The following VDAC1 variants were observed in gnomAD, a reference collection of about 807,000 sequenced individuals.
VDAC1 encodes the protein voltage dependent anion channel 1, also known as non-selective voltage-gated ion channel VDAC1.
VDAC1 carries 10 observed loss-of-function variants against 34.7 expected under a neutral mutation model. The observed-to-expected ratio is 0.29, with a 90% CI of 0.18 to 0.49. The LOEUF is 0.49. Ranked by LOEUF, VDAC1 falls within the 20% of genes least tolerant of loss-of-function variation. The probability of loss-of-function intolerance (pLI) is 0.99; values close to 1 mark genes in which losing one functional copy is unlikely to be tolerated. For synonymous variants in VDAC1, 130 were observed against 136.0 expected (o/e 0.96, Z 0.30); for missense variants, 230 against 347.9 (o/e 0.66, Z 2.69).
At chr5:133,992,486 AG>A (rs1393643722) in intron 2 of VDAC1, 131 bp from the exon 3 acceptor site, 1 of 567,308 alleles carries the variant, frequency 1.8e-6, no homozygotes, top group African/African-American at 1.9e-5. Flanking sequence ...GAGGGCACCC[AG>A]TCTCTGCTGC....
chr5:134,112,757 T>C, the VDAC1 span, among the ~76,000 whole-genome samples: 3 of 152,216 alleles, frequency 2.0e-5, no homozygotes, highest in Non-Finnish European at 4.4e-5. Flanking sequence ...TAAAGGCTAA[T>C]ACGAAGCTGG....
chr5:134,071,797 TGCCCTTA>T, the VDAC1 span, among the ~76,000 whole-genome samples: 935 of 152,322 alleles, frequency 6.1e-3, 13 homozygotes, highest in African/African-American at 0.021. This position sits in a 1 kb window ranked among gnomAD's most constrained non-coding sequence, Gnocchi z 4.1. Flanking sequence ...AGCATGGCCT[TGCCCTTA>T]GCCCTTGTGG....
At chr5:134,110,771 T>C in the VDAC1 span, among the ~76,000 whole-genome samples, 1 of 152,258 alleles carries the variant, frequency 6.6e-6, no homozygotes, top group Non-Finnish European at 1.5e-5. Context: ...TGAGACGTTT[T>C]CTGGAAATGC....
At chr5:133,997,928 G>A (rs951808564) in intron 1 of VDAC1, among the ~76,000 whole-genome samples, 2 of 151,798 alleles carry the variant, frequency 1.3e-5, no homozygotes, top group East Asian at 1.9e-4. Context: ...TTAGCCAGGC[G>A]TGGTGGCGCA....
At chr5:134,077,878 G>A in the VDAC1 span, among the ~76,000 whole-genome samples, 7 of 152,242 alleles carry the variant, frequency 4.6e-5, no homozygotes, top group Non-Finnish European at 1.0e-4. Flanking sequence ...GCCAGAGAAG[G>A]ATATGAAAGG....
At chr5:134,104,202 G>A in the VDAC1 span, among the ~76,000 whole-genome samples, 1 of 152,208 alleles carries the variant, frequency 6.6e-6, no homozygotes, top group African/African-American at 2.4e-5. Flanking sequence ...AATCAGGGAT[G>A]AGCAGAGAGG....
At position 133,975,988 on chromosome 5, in the gene VDAC1, G is replaced by A. The variant is rs1462985881; in HGVS notation, c.585C>T (p.Tyr195=). ...TCTCCAACTTCTTGTTCACTTTCTG[G>A]TAAATGGAGCCGCCAAACTCTGTCC... ...NDGTEFGGSI[Y]QKVNKKLETA... is the part of the protein sequence containing the mutation. The change falls in exon 7 of 9, where the codon TAC becomes TAT. Residue 195 remains tyrosine, a synonymous_variant. Coordinates refer to ENST00000265333, the MANE Select transcript of VDAC1 (RefSeq NM_003374.3). 3 of 1,613,876 alleles carry A rather than the reference G, an allele frequency of 1.9e-6. No individual in the cohort carries two copies. Among genetic ancestry groups the A allele is most frequent in the African/African-American group, 1.3e-5 (1 of 74,858 alleles).
the VDAC1 span, among the ~76,000 whole-genome samples, chr5:134,053,481 C>T: frequency 6.6e-6 from 1 of 152,194 alleles, no homozygotes; most frequent in Non-Finnish European, 1.5e-5. Context: ...CAGGGGCAGG[C>T]GCCAGGAAGG....
the VDAC1 span, among the ~76,000 whole-genome samples, chr5:134,054,232 G>T: frequency 6.6e-6 from 1 of 152,114 alleles, no homozygotes; most frequent in Non-Finnish European, 1.5e-5. Flanking sequence ...TTTAATGCTT[G>T]ATTTACTCTG....
At chr5:134,007,966 C>T (rs909923768), upstream of VDAC1, among the ~76,000 whole-genome samples, 1 of 152,142 alleles carries the variant, frequency 6.6e-6, no homozygotes, top group Non-Finnish European at 1.5e-5. Context: ...CAATCCTAAC[C>T]TCAGTTTTTC....
At chr5:134,054,698 T>G in the VDAC1 span, among the ~76,000 whole-genome samples, 1 of 152,098 alleles carries the variant, frequency 6.6e-6, no homozygotes, top group East Asian at 1.9e-4. Context: ...TGACCTCAGG[T>G]GATCCGCCCA....
chr5:133,998,573 T>C (rs1753421558), intron 1 of VDAC1, among the ~76,000 whole-genome samples: 1 of 152,320 alleles, frequency 6.6e-6, no homozygotes, highest in South Asian at 2.1e-4. Context: ...CCACTGTGCC[T>C]GAAATTGAGC....
chr5:134,050,043 G>A, the VDAC1 span, among the ~76,000 whole-genome samples: 2 of 152,150 alleles, frequency 1.3e-5, no homozygotes, highest in Non-Finnish European at 2.9e-5. Context: ...GAGGTCAAGT[G>A]ATTGAGACCA....
intron 1 of VDAC1, among the ~76,000 whole-genome samples, chr5:134,004,307 G>A (rs984912452): frequency 6.6e-6 from 1 of 151,952 alleles, no homozygotes; most frequent in Non-Finnish European, 1.5e-5. Context: ...CGCCGCCGGG[G>A]AAGGTCACCT....
the VDAC1 span, among the ~76,000 whole-genome samples, chr5:134,101,646 A>G: frequency 6.6e-6 from 1 of 151,942 alleles, no homozygotes; most frequent in Non-Finnish European, 1.5e-5. Flanking sequence ...GTGAGTTAAC[A>G]TTGTTCCTGT....
At chr5:134,064,493 G>C in the VDAC1 span, among the ~76,000 whole-genome samples, 1 of 151,448 alleles carries the variant, frequency 6.6e-6, no homozygotes, top group Non-Finnish European at 1.5e-5. Context: ...TAGTAGAGAT[G>C]GGGTTTCACC....
chr5:134,012,342 T>C, the VDAC1 span, among the ~76,000 whole-genome samples: 14 of 152,188 alleles, frequency 9.2e-5, no homozygotes, highest in African/African-American at 3.4e-4. Context: ...TACAACACAA[T>C]AGGAAGTGTT....
chr5:134,003,723 G>T (rs1418819934), intron 1 of VDAC1, among the ~76,000 whole-genome samples: 1 of 152,162 alleles, frequency 6.6e-6, no homozygotes, highest in Admixed American at 6.5e-5. Context: ...CTGTTCTAAA[G>T]GTTTCATGCT....
chr5:133,983,313 A>C (rs1752772000), intron 5 of VDAC1, among the ~76,000 whole-genome samples: 1 of 152,116 alleles, frequency 6.6e-6, no homozygotes. Flanking sequence ...TATCATGGTT[A>C]TGCTCCTTTA....
Sources: allele counts gnomAD v4.1 joint callset (sites outside exome capture counted in the v4.1 genomes callset), GRCh38; gene constraint gnomAD v4.1.1; non-coding constraint Gnocchi (gnomAD v3.1); transcripts MANE v1.5; gene names NCBI Gene and HGNC (gene_info 2026-07-23, HGNC 2026-07-21).